MTA3: variants seen among roughly 807,000 people sequenced by gnomAD.
MTA3 encodes metastasis associated 1 family member 3.
Under a neutral mutation model 83.5 loss-of-function variants are expected in MTA3, and 34 were observed. That is an observed-to-expected ratio of 0.41 (90% CI 0.31 to 0.54). The LOEUF is 0.54. MTA3 is among the 20% of genes least tolerant of loss of function. The pLI, the probability that MTA3 is intolerant of heterozygous loss-of-function variation, is 0.33. For synonymous variants in MTA3, 303 were observed against 252.7 expected (o/e 1.20, Z -1.89); for missense variants, 761 against 726.4 (o/e 1.05, Z -0.55).
intron 8 of MTA3, among the ~76,000 whole-genome samples, chr2:42,675,951 G>T (rs547759988): frequency 1.3e-5 from 2 of 152,318 alleles, no homozygotes; most frequent in South Asian, 4.1e-4. Context: ...CCTTTATGAA[G>T]TTGGTCAGTT....
At chr2:42,603,438 T>C (rs1459016921) in intron 3 of MTA3, among the ~76,000 whole-genome samples, 1 of 152,198 alleles carries the variant, frequency 6.6e-6, no homozygotes, top group Non-Finnish European at 1.5e-5. Context: ...AAATTCCATA[T>C]GGACTTGGAA....
At chr2:42,638,749 G>A (rs947465564) in intron 4 of MTA3, among the ~76,000 whole-genome samples, 15 of 149,366 alleles carry the variant, frequency 1.0e-4, no homozygotes, top group African/African-American at 2.5e-5. Flanking sequence ...AATAAAATAT[G>A]TTAGAAAAAA....
Position 42,753,848 on chromosome 2 carries a change from A to G in MTA3, c.*449A>G. ...CAGGAGGGCCATGGCATCTTTCTGA[A>G]TGGATTTTTCTTAAGAAATGCGCCA... On this transcript the variant is annotated 3_prime_UTR_variant, in exon 17 of 17. Coordinates refer to ENST00000405094, the MANE Select transcript of MTA3 (RefSeq NM_001330442.2). 4 of 990,990 alleles carry G rather than the reference A, an allele frequency of 4.0e-6. No individual in the cohort carries two copies. The South Asian group carries it at 1.8e-4, about 45-fold the overall frequency. 61.4% of individuals were successfully genotyped at this position (990,990 alleles called of 1,614,324 possible).
chr2:42,551,148 C>T (rs1005498671), intron 2 of MTA3, among the ~76,000 whole-genome samples: 6 of 151,870 alleles, frequency 4.0e-5, no homozygotes, highest in Non-Finnish European at 7.4e-5. Context: ...GCTTTGAGCT[C>T]GGGTCATTCA....
In MTA3 at chr2:42,609,442, A is replaced by C. The variant is rs766058471; in HGVS notation, c.191-16A>C. ...GTGCTTTGTACTAATAAATTCTTTG[A>C]ATTTTATTTGTGTAGAAGAAATTGA... On this transcript the variant is annotated splice_polypyrimidine_tract_variant and intron_variant, in intron 3 of 16. Transcript: ENST00000405094. 3 of 1,612,080 alleles carry C rather than the reference A, an allele frequency of 1.9e-6. No individual in the cohort carries two copies. The highest frequency in any genetic ancestry group is 2.5e-6 in the Non-Finnish European group (3 of 1,178,666).
intron 8 of MTA3, among the ~76,000 whole-genome samples, chr2:42,665,561 T>G (rs765923283): frequency 6.6e-6 from 1 of 152,164 alleles, no homozygotes; most frequent in Non-Finnish European, 1.5e-5. Flanking sequence ...TTTGGTGGTG[T>G]TGGCCAGAGC....
At chr2:42,667,214 G>A (rs1006937769) in intron 8 of MTA3, among the ~76,000 whole-genome samples, 1 of 152,044 alleles carries the variant, frequency 6.6e-6, no homozygotes, top group Non-Finnish European at 1.5e-5. Context: ...GCCCAGCTGT[G>A]ATGCACTTAA....
At chr2:42,513,468 AAG>A (rs2103673676) in intron 2 of MTA3, among the ~76,000 whole-genome samples, 1 of 152,218 alleles carries the variant, frequency 6.6e-6, no homozygotes, top group Non-Finnish European at 1.5e-5. Flanking sequence ...CACCCAGGAA[AAG>A]GGATAGACTC....
chr2:42,710,569 A>G (rs890796569), intron 14 of MTA3, among the ~76,000 whole-genome samples: 2 of 151,278 alleles, frequency 1.3e-5, no homozygotes, highest in Admixed American at 6.6e-5. Flanking sequence ...AAAAAAAAAA[A>G]AAAAAGAAAG....
At chr2:42,581,269 G>C (rs1474765889) in intron 3 of MTA3, among the ~76,000 whole-genome samples, 2 of 150,408 alleles carry the variant, frequency 1.3e-5, no homozygotes, top group East Asian at 2.0e-4. Context: ...TGCTTTAAAA[G>C]CACCAGGCTG....
At chr2:42,635,317 A>G (rs1687078549) in intron 4 of MTA3, among the ~76,000 whole-genome samples, 2 of 152,184 alleles carry the variant, frequency 1.3e-5, no homozygotes, top group Non-Finnish European at 2.9e-5. Context: ...TGTTCTTTAT[A>G]CAAAGAAATA....
intron 2 of MTA3, among the ~76,000 whole-genome samples, chr2:42,506,116 C>A (rs1051541525): frequency 6.6e-6 from 1 of 152,020 alleles, no homozygotes; most frequent in African/African-American, 2.4e-5. Flanking sequence ...TTTTATTAAT[C>A]TCTCCACTTT....
At chr2:42,539,430 C>T (rs990525393) in intron 2 of MTA3, among the ~76,000 whole-genome samples, 2 of 152,012 alleles carry the variant, frequency 1.3e-5, no homozygotes, top group Non-Finnish European at 2.9e-5. Context: ...TGAGAACTTA[C>T]TATCACGAGA....
At chr2:42,497,521 G>T (rs192158008) in intron 2 of MTA3, among the ~76,000 whole-genome samples, 1 of 151,534 alleles carries the variant, frequency 6.6e-6, no homozygotes, top group Non-Finnish European at 1.5e-5. Flanking sequence ...GGAGGCAGAA[G>T]TTGCAGTGAG....
rs186010269 is a variant in MTA3, at chr2:42,549,271, C to T, written c.-140-21166C>T. Among the ~76,000 whole-genome samples the T allele has an allele frequency of 3.4e-3, 365 of 107,766 alleles. 2 individuals are homozygous for T. Among genetic ancestry groups the T allele is most frequent in the African/African-American group, 0.01 (282 of 27,790 alleles). The allele number at this position is 107,766 out of a possible 152,430, so 70.7% of individuals were successfully genotyped here. On this transcript the variant is annotated intron_variant, in intron 2 of 17. Transcript: ENST00000405592. ...ATATATTATATATTATATACGTGTA[C>T]GTATATATGTAATATATAATGTATA...
intron 2 of MTA3, among the ~76,000 whole-genome samples, chr2:42,535,420 A>AT (rs947116803): frequency 2.0e-5 from 3 of 151,748 alleles, no homozygotes; most frequent in Admixed American, 2.0e-4. Flanking sequence ...TTTATTAAAA[A>AT]TTTTTTTGTG....
At chr2:42,718,890 G>C (rs759195731) in intron 14 of MTA3, 98 bp from the exon 15 acceptor site, 6 of 868,002 alleles carry the variant, frequency 6.9e-6, no homozygotes, top group Non-Finnish European at 1.1e-5. Flanking sequence ...TGGCTATTTT[G>C]TACTGTTTTC....
chr2:42,688,688 G>A (rs528584529), intron 9 of MTA3, among the ~76,000 whole-genome samples: 4 of 141,278 alleles, frequency 2.8e-5, no homozygotes, highest in African/African-American at 7.9e-5. Context: ...CTGCAGCCTT[G>A]TGAATCTCTT....
chr2:42,606,963 G>A (rs563660292), intron 3 of MTA3, among the ~76,000 whole-genome samples: 1 of 150,806 alleles, frequency 6.6e-6, no homozygotes, highest in African/African-American at 2.4e-5. Flanking sequence ...CAGGCATTCG[G>A]CAGACTGAGG....
Sources: gnomAD v4.1 joint callset for allele counts (sites outside exome capture counted in the v4.1 genomes callset) on GRCh38, gnomAD v4.1.1 for gene constraint, MANE v1.5 for transcripts, NCBI Gene and HGNC (gene_info 2026-07-23, HGNC 2026-07-21) for gene names.